ZC3H13: variants seen among roughly 807,000 people sequenced by gnomAD.
ZC3H13 encodes zinc finger CCCH-type containing 13.
In ZC3H13, 64 loss-of-function variants were observed where a neutral mutation model predicts 204.1. The observed-to-expected ratio is 0.31, with a 90% CI of 0.26 to 0.39. The LOEUF (loss-of-function observed/expected upper bound fraction) is 0.39. ZC3H13 is among the 10% of genes least tolerant of loss of function. The probability of loss-of-function intolerance (pLI) is 1.00; values close to 1 mark genes in which losing one functional copy is unlikely to be tolerated. For synonymous variants in ZC3H13, 667 were observed against 693.7 expected, an observed-to-expected ratio of 0.96 and a Z score of 0.60; for missense variants, 1,833 against 2,082.7, an observed-to-expected ratio of 0.88 and a Z score of 2.33.
intron 5 of ZC3H13, among the ~76,000 whole-genome samples, chr13:46,017,792 T>G (rs1191964922): frequency 6.6e-6 from 1 of 152,064 alleles, no homozygotes; most frequent in East Asian, 1.9e-4. Flanking sequence ...GAAACCAGTT[T>G]AGTCTCACTA....
At position 45,989,172 on chromosome 13, in the gene ZC3H13, C is replaced by A; in HGVS notation, c.945-75G>T. ...CTAGCCAAAGGAAAATCTTTAAAAACAAAAAAGTGAATATGAAAGTATAGA... is the reference window on the plus strand; with the variant it reads ...CTAGCCAAAGGAAAATCTTTAAAAAAAAAAAAGTGAATATGAAAGTATAGA... On this transcript the variant is annotated intron_variant, in intron 8 of 18. Coordinates refer to ENST00000679008, the MANE Select transcript of ZC3H13 (RefSeq NM_001330564.2). 9 of 1,378,548 alleles carry A rather than the reference C, an allele frequency of 6.5e-6. No homozygotes were observed. The Admixed American group carries it at 7.0e-5, about 11-fold the overall frequency. The allele number at this position is 1,378,548 out of a possible 1,614,324, so 85.4% of individuals were successfully genotyped here. A position where few individuals can be genotyped will look rare whatever the true frequency, so the allele number is the denominator to read the frequency against.
rs1221551840 is a variant in ZC3H13, at chr13:45,968,683, T to A, written c.3796+65A>T. ...TAACCAATTTAGCATTACTTTAGAA[T>A]TAAAATGTGTATAAAATATACTAAC... On this transcript the variant is annotated intron_variant, in intron 14 of 18. Transcript: ENST00000679008. 3.3e-6 allele frequency: 5 copies of A among 1,499,620 alleles called. No homozygotes were observed. In the Admixed American group the frequency reaches 9.7e-5, roughly 29 times the overall value. 92.9% of individuals were successfully genotyped at this position (1,499,620 alleles called of 1,614,324 possible).
intron 10 of ZC3H13, among the ~76,000 whole-genome samples, chr13:45,981,126 GA>G (rs1234542156): frequency 6.6e-6 from 1 of 152,156 alleles, no homozygotes; most frequent in Non-Finnish European, 1.5e-5. Flanking sequence ...TAGGAGTAGA[GA>G]AACAGTACTG....
chr13:45,963,127 G>T (rs532086038), intron 17 of ZC3H13: 2 of 967,574 alleles, frequency 2.1e-6, no homozygotes, highest in East Asian at 2.3e-4. Flanking sequence ...TAGGAAGTTG[G>T]TGGTATGATT....
At chr13:45,979,313 C>A (rs748595685) in intron 11 of ZC3H13, among the ~76,000 whole-genome samples, 84 of 152,010 alleles carry the variant, frequency 5.5e-4, no homozygotes, top group Admixed American at 3.2e-3. Flanking sequence ...TTAGCTAAAG[C>A]AAATACCATA....
chr13:46,013,215 A>G (rs1015501253), intron 5 of ZC3H13, among the ~76,000 whole-genome samples: 2 of 152,146 alleles, frequency 1.3e-5, no homozygotes, highest in Non-Finnish European at 2.9e-5. Context: ...AGAAATCGAG[A>G]CCATCCTGGC....
rs552728941 is a variant in ZC3H13, at chr13:46,031,213, G to A, written c.340-10656C>T. Among the ~76,000 whole-genome samples, 16 of 151,490 alleles carry A rather than the reference G, an allele frequency of 1.1e-4. 1 individual carries two copies. The South Asian group carries it at 1.7e-3, about 16-fold the overall frequency. ...TTCAACAAATCATGCTGAAACAACC[G>A]GACAACCAAATGCAAAAAAAATAAA... is the stretch of plus-strand genomic sequence containing the variant. On this transcript the variant is annotated intron_variant, in intron 4 of 18. Coordinates refer to ENST00000679008, the MANE Select transcript of ZC3H13 (RefSeq NM_001330564.2).
chr13:46,047,712 AT>A (rs11297350), intron 1 of ZC3H13, among the ~76,000 whole-genome samples: 41,872 of 152,032 alleles, frequency 0.28, 6,167 homozygotes, highest in South Asian at 0.33. Flanking sequence ...TAATAAGTAA[AT>A]GTATCACAAT....
chr13:46,017,275 C>G (rs1173428921), intron 5 of ZC3H13, among the ~76,000 whole-genome samples: 2 of 152,110 alleles, frequency 1.3e-5, no homozygotes, highest in Non-Finnish European at 2.9e-5. Context: ...GTCCCTGAGA[C>G]AATTTCAGGA....
intron 11 of ZC3H13, 22 bp downstream of exon 11, chr13:45,979,791 A>C (rs1953390123): frequency 6.5e-7 from 1 of 1,539,472 alleles, no homozygotes; most frequent in Non-Finnish European, 8.7e-7. Context: ...TTCACTATTT[A>C]ATAAAATTCT....
intron 5 of ZC3H13, among the ~76,000 whole-genome samples, chr13:46,014,345 C>T (rs1326791458): frequency 6.6e-6 from 1 of 151,948 alleles, no homozygotes; most frequent in African/African-American, 2.4e-5. Context: ...AATGCTCTCC[C>T]TCCCCTCACC....
intron 17 of ZC3H13, chr13:45,962,165 TA>T (rs1377124762): frequency 1.0e-6 from 1 of 985,208 alleles, no homozygotes; most frequent in Non-Finnish European, 1.2e-6. Flanking sequence ...GATAGATAAT[TA>T]GACCTTGGAT....
Position 45,985,517 on chromosome 13 carries a change from G to T in ZC3H13, c.1500C>A (p.Ser500=), listed in dbSNP as rs1393846343. 1 of 1,614,190 alleles carries T rather than the reference G, an allele frequency of 6.2e-7. No homozygotes were observed. Among genetic ancestry groups the T allele is most frequent in the East Asian group, 2.2e-5 (1 of 44,888 alleles). Residue 500 remains serine (S), a synonymous_variant, in exon 10 of 19, where the codon TCC becomes TCA. Transcript: ENST00000679008. ...KESRDPRDSR[S]TRDAHDYRDR... ...CCCTGTAGTCATGGGCATCACGAGT[G>T]GACCGAGAATCTCTGGGATCACGGC...
At chr13:45,959,093 T>C (rs966527881) in intron 18 of ZC3H13, among the ~76,000 whole-genome samples, 1 of 152,200 alleles carries the variant, frequency 6.6e-6, no homozygotes, top group African/African-American at 2.4e-5. Flanking sequence ...AATGCTTATA[T>C]AGAGTCGCTT....
intron 1 of ZC3H13, among the ~76,000 whole-genome samples, chr13:46,049,934 T>C (rs2139272284): frequency 6.6e-6 from 1 of 152,266 alleles, no homozygotes; most frequent in Non-Finnish European, 1.5e-5. Context: ...CATTTTTGTT[T>C]TCAAATTATT....
At chr13:45,964,109 C>T in intron 16 of ZC3H13, 67 bp from the exon 17 acceptor site, 24 of 1,403,428 alleles carry the variant, frequency 1.7e-5, no homozygotes, top group Non-Finnish European at 2.3e-5. Flanking sequence ...TCTACATAGA[C>T]ATTTACATAA....
Position 45,967,913 on chromosome 13 carries a change from T to A in ZC3H13, c.3912A>T (p.Arg1304=). The change falls in exon 15 of 19, where the codon CGA becomes CGT. Residue 1304 remains arginine, a synonymous_variant. Coordinates refer to ENST00000679008, the MANE Select transcript of ZC3H13 (RefSeq NM_001330564.2). The part of the protein sequence containing the change: ...DSRDRLQERD[R]YEHDRERERE... ...TCTCGCGCTCTCTGTCGTGTTCATATCGATCTCGTTCTTGAAGCCTGTCTC... is the reference window on the plus strand; with the variant it reads ...TCTCGCGCTCTCTGTCGTGTTCATAACGATCTCGTTCTTGAAGCCTGTCTC... The A allele has an allele frequency of 6.2e-7, 1 of 1,614,056 alleles. No individual in the cohort carries two copies. The highest frequency in any genetic ancestry group is 2.2e-5 in the East Asian group (1 of 44,880).
At chr13:46,019,699 T>C (rs952100427) in intron 5 of ZC3H13, among the ~76,000 whole-genome samples, 2 of 152,162 alleles carry the variant, frequency 1.3e-5, no homozygotes, top group African/African-American at 4.8e-5. Context: ...TGCTCCCACC[T>C]CAGCTTCCCA....
intron 16 of ZC3H13, among the ~76,000 whole-genome samples, chr13:45,964,516 T>C (rs993033538): frequency 6.6e-6 from 1 of 152,152 alleles, no homozygotes; most frequent in Non-Finnish European, 1.5e-5. Flanking sequence ...AAATAATCCA[T>C]CCACTGCGAA....
Sources: gnomAD v4.1 joint callset for allele counts (sites outside exome capture counted in the v4.1 genomes callset) on GRCh38, gnomAD v4.1.1 for gene constraint, MANE v1.5 for transcripts, NCBI Gene and HGNC (gene_info 2026-07-23, HGNC 2026-07-21) for gene names.